The following CECR2 variants were observed in gnomAD, a reference collection of about 807,000 sequenced individuals.
CECR2 encodes the protein chromatin remodeling regulator CECR2.
A neutral mutation model predicts 154.5 loss-of-function variants in CECR2; 30 were observed. The ratio of observed to expected loss-of-function variants is 0.19; its 90% CI spans 0.15 to 0.26. The LOEUF is 0.26. Ranked by LOEUF, CECR2 falls within the 10% of genes least tolerant of loss-of-function variation. The probability of loss-of-function intolerance (pLI) is 1.00; values close to 1 mark genes in which losing one functional copy is unlikely to be tolerated. For synonymous variants in CECR2, 725 were observed against 683.7 expected, an observed-to-expected ratio of 1.06 and a Z score of -0.94; for missense variants, 1,743 against 1,829.3, an observed-to-expected ratio of 0.95 and a Z score of 0.86.
rs1242617834 is a variant in CECR2 at position 17,548,773 on chromosome 22, C to G, written c.3486C>G (p.Gly1162=). The part of the protein sequence containing the change: ...ASHPQHFPPR[G]FQSNHPHSGG... ...ATCCCCAGCATTTTCCCCCAAGGGG[C>G]TTTCAGTCTAACCACCCACATTCTG... Residue 1162 remains glycine (G), a synonymous_variant, in exon 17 of 19, where the codon GGC becomes GGG. Transcript: ENST00000262608. 7.4e-6 allele frequency: 12 copies of G among 1,613,674 alleles called. No individual in the cohort carries two copies. The highest frequency in any genetic ancestry group is 1.0e-5 in the Non-Finnish European group (12 of 1,179,852).
intron 3 of CECR2, among the ~76,000 whole-genome samples, chr22:17,498,780 A>AAC (rs2055680110): frequency 6.6e-6 from 1 of 151,720 alleles, no homozygotes; most frequent in African/African-American, 2.4e-5. Context: ...TGCTCACATA[A>AAC]AACAACCGCT....
At chr22:17,467,629 A>G (rs1156571102) in intron 1 of CECR2, among the ~76,000 whole-genome samples, 1 of 152,116 alleles carries the variant, frequency 6.6e-6, no homozygotes, top group Non-Finnish European at 1.5e-5. Context: ...TAAAAATACA[A>G]AAATTAGTCG....
At chr22:17,403,683 T>TTTA (rs1459465684) in intron 1 of CECR2, among the ~76,000 whole-genome samples, 6 of 152,204 alleles carry the variant, frequency 3.9e-5, no homozygotes, top group African/African-American at 1.2e-4. Flanking sequence ...GTGTTAGCTA[T>TTTA]TTATATCTTT....
At position 17,540,493 on chromosome 22, in the gene CECR2, C is replaced by T; in HGVS notation, c.1577C>T (p.Thr526Ile). ...MKHFPGEDGD[T>I]DEEFWIREDE... ...CATTTTCCTGGAGAAGATGGAGACA[C>T]AGATGAAGAATTTTGGATTCGAGAG... The change falls in exon 14 of 19, where the codon ACA (threonine) becomes ATA (isoleucine). Residue 526 changes from threonine (T) to isoleucine (I), a missense_variant. Transcript: ENST00000262608. The T allele has an allele frequency of 6.2e-7, 1 of 1,609,068 alleles. No individual in the cohort carries two copies. Among genetic ancestry groups the T allele is most frequent in the Non-Finnish European group, 8.5e-7 (1 of 1,177,536 alleles).
intron 1 of CECR2, among the ~76,000 whole-genome samples, chr22:17,393,081 A>G (rs2053755694): frequency 2.0e-5 from 3 of 152,122 alleles, no homozygotes; most frequent in South Asian, 2.1e-4. Flanking sequence ...TATATTTACA[A>G]ATAGTTACAA....
At chr22:17,382,053 AATT>A (rs1415953550) in intron 1 of CECR2, among the ~76,000 whole-genome samples, 2,244 of 69,324 alleles carry the variant, frequency 0.032, 55 homozygotes, top group African/African-American at 0.095. Context: ...ACGCCCTGCT[AATT>A]TTTTTTTTTT....
intron 1 of CECR2, among the ~76,000 whole-genome samples, chr22:17,385,779 T>A (rs142637860): frequency 6.6e-6 from 1 of 152,200 alleles, no homozygotes; most frequent in Non-Finnish European, 1.5e-5. Context: ...ATCTGCACGT[T>A]CAGTAAAGGG....
chr22:17,508,260 C>T (rs1235249739), intron 7 of CECR2, among the ~76,000 whole-genome samples: 4 of 139,716 alleles, frequency 2.9e-5, no homozygotes, highest in African/African-American at 1.3e-4. Flanking sequence ...ATTGTGTTTA[C>T]AAGGTCTACA....
chr22:17,397,802 AAATT>A (rs2053835452), intron 1 of CECR2, among the ~76,000 whole-genome samples: 3 of 152,210 alleles, frequency 2.0e-5, no homozygotes, highest in Admixed American at 2.0e-4. Flanking sequence ...CGGCTAACAC[AAATT>A]AATTTCTGTG....
In CECR2 at chr22:17,549,564, G is replaced by T; in HGVS notation, c.4277G>T (p.Gly1426Val). ...GPFQEMYRPS[G>V]MQMHPVQSQA... ...TTCCAGGAAATGTACAGACCATCAG[G>T]GTAAGATTGCATTCAGGCTTTTCCC... The change falls in exon 17 of 19, where the codon GGA becomes GTA. Residue 1426 changes from glycine to valine, a missense_variant and splice_region_variant. Gly to Val is a moderately radical substitution (Grantham distance 109). Around this residue, in one of 4 missense-constraint regions of CECR2, gnomAD observed 1,250 missense variants for 1,192.1 expected, o/e 1.05. Coordinates refer to ENST00000262608, the MANE Select transcript of CECR2 (RefSeq NM_001290047.2). The T allele has an allele frequency of 6.4e-7, 1 of 1,570,514 alleles. No homozygotes were observed. The highest frequency in any genetic ancestry group is 2.3e-5 in the East Asian group (1 of 43,450).
intron 18 of CECR2, 44 bp downstream of exon 18, chr22:17,552,186 G>A: frequency 6.5e-7 from 1 of 1,531,504 alleles, no homozygotes; most frequent in Non-Finnish European, 9.0e-7. Context: ...TCCTCCAGGT[G>A]GTAGGAAGTA....
At chr22:17,520,037 C>A (rs1278463625) in intron 8 of CECR2, among the ~76,000 whole-genome samples, 1 of 152,182 alleles carries the variant, frequency 6.6e-6, no homozygotes, top group African/African-American at 2.4e-5. Context: ...GATCCACCCA[C>A]CTTGGCCTCC....
At chr22:17,419,465 T>C (rs2054207262) in intron 1 of CECR2, 1 of 201,654 alleles carries the variant, frequency 5.0e-6, no homozygotes. Flanking sequence ...CCCCCACGCC[T>C]GAGGAAGACT....
intron 8 of CECR2, among the ~76,000 whole-genome samples, chr22:17,518,176 A>G (rs1248902750): frequency 6.6e-6 from 1 of 152,214 alleles, no homozygotes; most frequent in African/African-American, 2.4e-5. Context: ...AAGAGAGTTT[A>G]TTAGGAGAGA....
At chr22:17,460,274 A>G (rs969833493) in intron 1 of CECR2, among the ~76,000 whole-genome samples, 2 of 152,122 alleles carry the variant, frequency 1.3e-5, no homozygotes, top group South Asian at 4.1e-4. Context: ...CAATGGCATG[A>G]TCTTGGTTCA....
intron 16 of CECR2, among the ~76,000 whole-genome samples, chr22:17,544,257 G>T (rs560675267): frequency 3.3e-5 from 5 of 151,460 alleles, no homozygotes; most frequent in Non-Finnish European, 7.4e-5. Flanking sequence ...CCAGCACTTT[G>T]GGAGGCCAAG....
chr22:17,384,291 C>T (rs1601258462), intron 1 of CECR2, among the ~76,000 whole-genome samples: 1 of 152,044 alleles, frequency 6.6e-6, no homozygotes, highest in Non-Finnish European at 1.5e-5. Context: ...GCTGTGTTGC[C>T]CAGACTGGTC....
chr22:17,545,976 C>G (rs1160943402), intron 16 of CECR2, among the ~76,000 whole-genome samples: 1 of 151,998 alleles, frequency 6.6e-6, no homozygotes, highest in Non-Finnish European at 1.5e-5. Context: ...TGCTTGAACC[C>G]TGGAGTTCGA....
At chr22:17,511,696 C>T in intron 7 of CECR2, 117 bp from the exon 8 acceptor site, 1 of 740,794 alleles carries the variant, frequency 1.3e-6, no homozygotes, top group Non-Finnish European at 2.3e-6. Context: ...AGCCTTTGGC[C>T]CTAACCTGTG....
Sources: allele counts gnomAD v4.1 joint callset (sites outside exome capture counted in the v4.1 genomes callset), GRCh38; gene constraint gnomAD v4.1.1; regional missense constraint gnomAD v4.1.1; transcripts MANE v1.5; gene names NCBI Gene and HGNC (gene_info 2026-07-23, HGNC 2026-07-21).